The following PTPRT variants were observed in gnomAD, a reference collection of about 807,000 sequenced individuals.
PTPRT encodes the protein receptor-type tyrosine-protein phosphatase T.
Under a neutral mutation model 176.8 loss-of-function variants are expected in PTPRT, and 56 were observed. The observed-to-expected ratio is 0.32, with a 90% confidence interval of 0.26 to 0.40. The LOEUF (loss-of-function observed/expected upper bound fraction) is 0.40, where lower values mean the gene tolerates loss of function less well. Among genes scored for constraint, PTPRT ranks in the 10% least tolerant of loss-of-function variants. The pLI is 1.00. For missense variants in PTPRT, 1,540 were observed against 1,908.2 expected (o/e 0.81, Z 3.60); for synonymous variants, 783 against 739.0 (o/e 1.06, Z -0.96).
intron 6 of PTPRT, among the ~76,000 whole-genome samples, chr20:42,727,371 G>C (rs2076955922): frequency 6.6e-6 from 1 of 152,306 alleles, no homozygotes; most frequent in Non-Finnish European, 1.5e-5. Context: ...AACACACCAA[G>C]AACACTGCCA....
chr20:42,263,528 G>A (rs1453567363), intron 13 of PTPRT, among the ~76,000 whole-genome samples: 1 of 151,342 alleles, frequency 6.6e-6, no homozygotes, highest in Non-Finnish European at 1.5e-5. Flanking sequence ...TTACAGGTGC[G>A]TGCCACCACA....
At chr20:42,071,835 T>A (rs1485754182), downstream of PTPRT, among the ~76,000 whole-genome samples, 1 of 151,748 alleles carries the variant, frequency 6.6e-6, no homozygotes, top group Admixed American at 6.6e-5. Context: ...TTGTTTGAAC[T>A]TTTTGTGGAG....
intron 9 of PTPRT, among the ~76,000 whole-genome samples, chr20:42,382,797 T>C (rs925235946): frequency 6.6e-6 from 1 of 152,188 alleles, no homozygotes; most frequent in African/African-American, 2.4e-5. Flanking sequence ...TCCCTATCCA[T>C]GCCCTGCATA....
At chr20:42,455,131 A>G (rs1306164716) in intron 8 of PTPRT, among the ~76,000 whole-genome samples, 1 of 152,254 alleles carries the variant, frequency 6.6e-6, no homozygotes, top group Admixed American at 6.5e-5. Flanking sequence ...ATATCATAAA[A>G]TACAATAAAA....
intron 7 of PTPRT, among the ~76,000 whole-genome samples, chr20:42,568,018 G>A (rs781480438): frequency 1.2e-4 from 18 of 150,294 alleles, no homozygotes; most frequent in Non-Finnish European, 2.5e-4. Context: ...CACCCAGGCT[G>A]GAGTGCAGTG....
At chr20:43,086,810 A>G (rs1041045256) in intron 1 of PTPRT, among the ~76,000 whole-genome samples, 3 of 152,186 alleles carry the variant, frequency 2.0e-5, no homozygotes, top group Non-Finnish European at 2.9e-5. Context: ...CTGGGAGGGA[A>G]GAATTGCTCT....
At chr20:42,053,250 T>G in the PTPRT span, among the ~76,000 whole-genome samples, 1 of 152,172 alleles carries the variant, frequency 6.6e-6, no homozygotes, top group Non-Finnish European at 1.5e-5. Flanking sequence ...GAATCTGTAT[T>G]TTTGTAAATA....
intron 12 of PTPRT, among the ~76,000 whole-genome samples, chr20:42,313,906 A>G (rs1486740829): frequency 1.3e-5 from 2 of 152,148 alleles, no homozygotes; most frequent in African/African-American, 4.8e-5. Context: ...ACCACAGTGG[A>G]ATTTAAATGG....
intron 7 of PTPRT, among the ~76,000 whole-genome samples, chr20:42,512,210 C>T (rs1601163213): frequency 6.6e-6 from 1 of 151,964 alleles, no homozygotes; most frequent in African/African-American, 2.4e-5. Context: ...ATGTAACCAC[C>T]ACCACTATCA....
the PTPRT span, among the ~76,000 whole-genome samples, chr20:42,050,712 A>G: frequency 6.6e-6 from 1 of 152,204 alleles, no homozygotes; most frequent in Non-Finnish European, 1.5e-5. Context: ...GGCCACAGGG[A>G]TACTGACCAG....
chr20:42,262,584 G>C (rs954583883), intron 13 of PTPRT, among the ~76,000 whole-genome samples: 1 of 152,268 alleles, frequency 6.6e-6, no homozygotes, highest in Non-Finnish European at 1.5e-5. Context: ...CAAAATGGTA[G>C]ATGGTGAGTA....
chr20:42,234,719 T>G (rs1294492291), intron 15 of PTPRT, among the ~76,000 whole-genome samples: 5 of 152,332 alleles, frequency 3.3e-5, no homozygotes, highest in Admixed American at 2.0e-4. Flanking sequence ...CCACACCATA[T>G]GAAACATAAT....
chr20:42,918,026 C>T (rs1978893524), intron 1 of PTPRT, among the ~76,000 whole-genome samples: 1 of 152,118 alleles, frequency 6.6e-6, no homozygotes, highest in Admixed American at 6.5e-5. Flanking sequence ...AACACTTTTG[C>T]CCACCTGAGC....
intron 9 of PTPRT, among the ~76,000 whole-genome samples, chr20:42,384,309 G>C (rs191311549): frequency 1.3e-4 from 20 of 152,284 alleles, no homozygotes; most frequent in Admixed American, 2.6e-4. Context: ...GTGTAGAAAT[G>C]TGTACAAGGT....
intron 20 of PTPRT, 83 bp downstream of exon 20, chr20:42,119,852 G>A (rs1343488115): frequency 6.3e-6 from 8 of 1,263,902 alleles, no homozygotes; most frequent in East Asian, 4.9e-5. Flanking sequence ...AGGAGGAGAG[G>A]ACAAGCCTTG....
At chr20:42,239,080 T>G (rs2056301040) in intron 14 of PTPRT, among the ~76,000 whole-genome samples, 1 of 152,214 alleles carries the variant, frequency 6.6e-6, no homozygotes, top group African/African-American at 2.4e-5. Flanking sequence ...GTATTAGGGC[T>G]CAGTAAAGGG....
chr20:42,257,523 G>A (rs890628429), intron 13 of PTPRT, among the ~76,000 whole-genome samples: 2 of 151,812 alleles, frequency 1.3e-5, no homozygotes, highest in African/African-American at 4.8e-5. Flanking sequence ...GTGGGGCCTG[G>A]TAGGAGGTGG....
intron 9 of PTPRT, among the ~76,000 whole-genome samples, chr20:42,419,796 GT>G (rs2145764745): frequency 6.6e-6 from 1 of 152,302 alleles, no homozygotes; most frequent in East Asian, 1.9e-4. Flanking sequence ...CTATAATCAA[GT>G]TAAGATGAGG....
At chr20:42,754,700 GT>G (rs1373031464) in intron 6 of PTPRT, among the ~76,000 whole-genome samples, 3 of 152,066 alleles carry the variant, frequency 2.0e-5, no homozygotes, top group African/African-American at 7.2e-5. Context: ...GATTTTTAAA[GT>G]TTTTTTTCAT....
Sources: gnomAD v4.1 joint callset for allele counts (sites outside exome capture counted in the v4.1 genomes callset) on GRCh38, gnomAD v4.1.1 for gene constraint, MANE v1.5 for transcripts, NCBI Gene and HGNC (gene_info 2026-07-23, HGNC 2026-07-21) for gene names.